SEMA5B: variants seen among roughly 807,000 people sequenced by gnomAD.
The protein encoded by SEMA5B is semaphorin 5B, also known as semaphorin-5B.
A neutral mutation model predicts 135.0 loss-of-function variants in SEMA5B; 66 were observed. The ratio of observed to expected loss-of-function variants is 0.49; its 90% CI spans 0.40 to 0.60. The LOEUF (loss-of-function observed/expected upper bound fraction) is 0.60, where lower values mean the gene tolerates loss of function less well. SEMA5B is among the 20% of genes least tolerant of loss of function. The pLI, the probability that SEMA5B is intolerant of heterozygous loss-of-function variation, is 0.00. For synonymous variants in SEMA5B, 690 were observed against 639.5 expected, an observed-to-expected ratio of 1.08 and a Z score of -1.19; for missense variants, 1,501 against 1,566.3, an observed-to-expected ratio of 0.96 and a Z score of 0.70.
intron 3 of SEMA5B, among the ~76,000 whole-genome samples, chr3:122,944,978 GGAGA>G (rs780180944): frequency 1.3e-5 from 2 of 151,698 alleles, no homozygotes; most frequent in Admixed American, 6.6e-5. Flanking sequence ...AGAAGGGCCA[GGAGA>G]GAGAGAGAGA....
At chr3:122,989,486 C>T (rs560933754) in intron 1 of SEMA5B, among the ~76,000 whole-genome samples, 109 of 152,342 alleles carry the variant, frequency 7.2e-4, no homozygotes, top group African/African-American at 2.5e-3. Flanking sequence ...TGCCTGGTCT[C>T]ATGGACATGT....
chr3:122,981,218 C>G (rs1941511715), intron 1 of SEMA5B, among the ~76,000 whole-genome samples: 1 of 152,234 alleles, frequency 6.6e-6, no homozygotes, highest in Non-Finnish European at 1.5e-5. Flanking sequence ...TCAGACCATT[C>G]TGTGCATAAC....
At chr3:122,911,379 C>A (rs1270264152) in intron 21 of SEMA5B, 112 bp downstream of exon 21, 1 of 1,552,682 alleles carries the variant, frequency 6.4e-7, no homozygotes, top group Admixed American at 2.0e-5. Flanking sequence ...GCAGTGGGGA[C>A]CCCAACAAAG....
intron 3 of SEMA5B, among the ~76,000 whole-genome samples, chr3:122,948,008 G>T (rs1056503015): frequency 6.6e-6 from 1 of 151,864 alleles, no homozygotes; most frequent in Admixed American, 6.6e-5. Flanking sequence ...CCCAGTTTGG[G>T]AAACACTTTC....
rs758782767 is a variant in SEMA5B at position 122,912,216 on chromosome 3, C to T, written c.2852G>A (p.Gly951Glu). The stretch of plus-strand genomic sequence containing the variant: ...ACATAGTGCCTCCTCCGTGTGCAGC[C>T]CGAGACAGATGTCCTCACCTGGGGA... ...APSPGEDICLGLHTEEALCAT... is the reference protein window; with the variant it reads ...APSPGEDICLELHTEEALCAT... Residue 951 changes from glycine to glutamate, a missense_variant, in exon 19 of 23, where the codon GGG becomes GAG. Around this residue, in one of 2 missense-constraint regions of SEMA5B, gnomAD observed 927 missense variants for 881.6 expected, o/e 1.05. Coordinates refer to ENST00000357599, the MANE Select transcript of SEMA5B (RefSeq NM_001031702.4). The T allele has an allele frequency of 1.8e-5, 29 of 1,607,876 alleles. No homozygotes were observed. Among genetic ancestry groups the T allele is most frequent in the Non-Finnish European group, 2.5e-5 (29 of 1,176,240 alleles).
chr3:122,980,391 T>C (rs755183568), intron 1 of SEMA5B, among the ~76,000 whole-genome samples: 129 of 142,278 alleles, frequency 9.1e-4, no homozygotes, highest in Non-Finnish European at 1.8e-3. Flanking sequence ...ACCCAGGAGG[T>C]GGAGGTTGTG....
At chr3:122,961,995 C>G (rs369852681) in intron 1 of SEMA5B, among the ~76,000 whole-genome samples, 46 of 152,330 alleles carry the variant, frequency 3.0e-4, no homozygotes, top group African/African-American at 1.1e-3. Context: ...GCTGTTGCCT[C>G]TCCCGTGGAC....
Position 122,969,750 on chromosome 3 carries a change from T to G in SEMA5B, c.-38-8449A>C, listed in dbSNP as rs542411169. The stretch of plus-strand genomic sequence containing the variant: ...AGTTCCCTGACGCAGGGAAAGTCAC[T>G]GCTTATTAGTTTGTGCCAACAGCGG... On this transcript the variant is annotated intron_variant, in intron 1 of 22. Transcript: ENST00000357599. Among the ~76,000 whole-genome samples, 48 of 152,278 alleles carry G rather than the reference T, an allele frequency of 3.2e-4. 1 individual carries two copies. In the South Asian group the frequency reaches 9.1e-3, roughly 29 times the overall value.
chr3:122,968,072 T>C (rs2107634353), intron 1 of SEMA5B, among the ~76,000 whole-genome samples: 1 of 152,164 alleles, frequency 6.6e-6, no homozygotes, highest in East Asian at 1.9e-4. Flanking sequence ...GCAGATCCGC[T>C]CCAAGGCCCA....
In SEMA5B at chr3:122,915,884, G is replaced by A; in HGVS notation, c.1695C>T (p.Cys565=). Reference sequence around the variant, plus strand: ...CACAGTACGGGTCCCGGGCCCCCAGGCATGCCCTGCCAGACAGACGTCCTG... The same window carrying A: ...CACAGTACGGGTCCCGGGCCCCCAGACATGCCCTGCCAGACAGACGTCCTG... ...RCAAYRSQGA[C]LGARDPYCGW... Residue 565 remains cysteine, a synonymous_variant, in exon 13 of 23, where the codon TGC becomes TGT. Coordinates refer to ENST00000357599, the MANE Select transcript of SEMA5B (RefSeq NM_001031702.4). 6.2e-7 allele frequency: 1 copy of A among 1,613,738 alleles called. No homozygotes were observed. The highest frequency in any genetic ancestry group is 8.5e-7 in the Non-Finnish European group (1 of 1,179,788).
chr3:123,018,025 G>A (rs1436106348), intron 1 of SEMA5B, among the ~76,000 whole-genome samples: 5 of 152,150 alleles, frequency 3.3e-5, no homozygotes, highest in South Asian at 2.1e-4. Flanking sequence ...CATTCTTAAC[G>A]AGTTCTGGTG....
chr3:122,975,918 C>G (rs1413608341), intron 1 of SEMA5B: 42 of 1,496,574 alleles, frequency 2.8e-5, no homozygotes, highest in Non-Finnish European at 3.7e-5. Flanking sequence ...CTCTCCTGCC[C>G]CCTCTCTGGC....
At chr3:122,934,352 G>A (rs1939142577) in intron 5 of SEMA5B, among the ~76,000 whole-genome samples, 1 of 152,154 alleles carries the variant, frequency 6.6e-6, no homozygotes, top group African/African-American at 2.4e-5. Flanking sequence ...AAGGACACAA[G>A]AACACCTATG....
chr3:122,918,452 C>G (rs775107702), intron 12 of SEMA5B, among the ~76,000 whole-genome samples: 10 of 152,340 alleles, frequency 6.6e-5, no homozygotes, highest in African/African-American at 2.2e-4. Flanking sequence ...CTAAATACCC[C>G]CCAGGTAACT....
At chr3:122,956,558 C>T (rs1420810563) in intron 2 of SEMA5B, among the ~76,000 whole-genome samples, 4 of 152,166 alleles carry the variant, frequency 2.6e-5, no homozygotes, top group African/African-American at 9.7e-5. Context: ...GCCCTCTGCT[C>T]AGGGGCGAAG....
intron 3 of SEMA5B, among the ~76,000 whole-genome samples, chr3:122,947,048 A>T (rs1283308136): frequency 6.6e-6 from 1 of 151,832 alleles, no homozygotes; most frequent in East Asian, 1.9e-4. Context: ...CTGCCCCCAG[A>T]CTCAGCCAAG....
intron 1 of SEMA5B, among the ~76,000 whole-genome samples, chr3:123,003,707 G>A (rs1011161013): frequency 1.2e-4 from 19 of 152,146 alleles, no homozygotes; most frequent in African/African-American, 3.9e-4. Context: ...AGTGGCAGGC[G>A]CCTGTAATGC....
chr3:122,911,275 A>T, intron 21 of SEMA5B: 1 of 1,381,130 alleles, frequency 7.2e-7, no homozygotes, highest in Non-Finnish European at 9.7e-7. Flanking sequence ...GTCTAGAGTC[A>T]GATGACTCTT....
Position 122,910,989 on chromosome 3 carries a change from G to T in SEMA5B, c.3148C>A (p.Leu1050Ile). Residue 1050 changes from leucine (L) to isoleucine (I), a missense_variant, in exon 22 of 23, where the codon CTC becomes ATC. Physicochemically the swap from Leu to Ile is conservative, Grantham distance 5. This residue lies in a region of SEMA5B where 927 missense variants were observed against 881.6 expected (regional missense o/e 1.05). Coordinates refer to ENST00000357599, the MANE Select transcript of SEMA5B (RefSeq NM_001031702.4). ...TGISCFLGSG[L>I]LTLAVYLSCQ... ...GACAGGTACACTGCTAGGGTCAGGA[G>T]CCCAGAGCCCAAGAAGCAGGAGATG... 6.2e-7 allele frequency: 1 copy of T among 1,613,888 alleles called. No individual in the cohort carries two copies. The highest frequency in any genetic ancestry group is 8.5e-7 in the Non-Finnish European group (1 of 1,179,932).
Sources: allele counts gnomAD v4.1 joint callset (sites outside exome capture counted in the v4.1 genomes callset), GRCh38; gene constraint gnomAD v4.1.1; regional missense constraint gnomAD v4.1.1; transcripts MANE v1.5; gene names NCBI Gene and HGNC (gene_info 2026-07-23, HGNC 2026-07-21).